Variants in GPR155 observed in about 807,000 individuals in gnomAD.
GPR155 encodes lysosomal cholesterol signaling protein.
GPR155 carries 65 observed loss-of-function variants against 93.1 expected under a neutral mutation model. That is an observed-to-expected ratio of 0.70 (90% CI 0.57 to 0.86). GPR155 has a LOEUF of 0.86. Ranked by LOEUF, GPR155 falls within the 40% of genes least tolerant of loss-of-function variation. The pLI is 0.00. For missense variants in GPR155, 838 were observed against 1,034.8 expected (o/e 0.81, Z 2.61); for synonymous variants, 319 against 360.1 (o/e 0.89, Z 1.29).
At chr2:174,439,191 T>G (rs555932239) in intron 15 of GPR155, among the ~76,000 whole-genome samples, 1 of 151,858 alleles carries the variant, frequency 6.6e-6, no homozygotes, top group South Asian at 2.1e-4. Flanking sequence ...CCATATGAAT[T>G]TTCATACATT....
In GPR155 at chr2:174,469,008, G is replaced by C; in HGVS notation, c.1086C>G (p.Ala362=). 1 of 1,613,968 alleles carries C rather than the reference G, an allele frequency of 6.2e-7. No individual in the cohort carries two copies. The highest frequency in any genetic ancestry group is 8.5e-7 in the Non-Finnish European group (1 of 1,179,874). The stretch of plus-strand genomic sequence containing the variant: ...CCATAGTGGGAAAGGTCAGTAACCA[G>C]GCAGAAACGTACATGATGGGAGCAG... ...FVSAPIMYVS[A]WLLTFPTMDP... is the part of the protein sequence containing the mutation. Residue 362 remains alanine (A), a synonymous_variant, in exon 5 of 16, where the codon GCC becomes GCG. Coordinates refer to ENST00000392552, the MANE Select transcript of GPR155 (RefSeq NM_152529.7).
At chr2:174,444,799 A>T (rs949961571) in intron 13 of GPR155, among the ~76,000 whole-genome samples, 8 of 152,030 alleles carry the variant, frequency 5.3e-5, no homozygotes, top group African/African-American at 1.9e-4. Context: ...CCCGGTCCCA[A>T]TGTGACTTAT....
intron 2 of GPR155, among the ~76,000 whole-genome samples, chr2:174,479,283 C>G (rs535014689): frequency 6.6e-6 from 1 of 152,254 alleles, no homozygotes; most frequent in South Asian, 2.1e-4. Context: ...TCTTTTTCCA[C>G]TACTACTCAT....
In GPR155 at chr2:174,445,111, CTG is replaced by C. The variant is rs781151938; in HGVS notation, c.2077_2078del (p.Gln693ValfsTer7). On this transcript the variant is annotated frameshift_variant, in exon 13 of 16. Coordinates refer to ENST00000392552, the MANE Select transcript of GPR155 (RefSeq NM_152529.7). LOFTEE classifies it high-confidence loss of function. Reference protein sequence around the residue: ...QEPGRLYVELQFFCAVFNFGQ... With the variant: ...QEPGRLYVELXFFCAVFNFGQ... ...CAAAGTTAAACACGGCACAGAAAAACTGTAACTCAACATAAAGTCTTCCAGGC... is the reference window on the plus strand; with the variant it reads ...CAAAGTTAAACACGGCACAGAAAAACTAACTCAACATAAAGTCTTCCAGGC... 2.5e-6 allele frequency: 4 copies of C among 1,599,750 alleles called. No individual in the cohort carries two copies. The South Asian group carries it at 3.3e-5, about 13-fold the overall frequency.
intron 13 of GPR155, among the ~76,000 whole-genome samples, chr2:174,442,822 C>G (rs1418798048): frequency 6.6e-6 from 1 of 152,206 alleles, no homozygotes; most frequent in African/African-American, 2.4e-5. Flanking sequence ...ACCCAAATTT[C>G]TTCATCCCCC....
At chr2:174,439,169 ATAAAT>A (rs1330668258) in intron 15 of GPR155, among the ~76,000 whole-genome samples, 2 of 152,050 alleles carry the variant, frequency 1.3e-5, no homozygotes, top group African/African-American at 4.8e-5. Context: ...ATATATGTAA[ATAAAT>A]TATCCTCCAT....
At chr2:174,440,370 C>T (rs1686920167) in intron 14 of GPR155, among the ~76,000 whole-genome samples, 1 of 152,106 alleles carries the variant, frequency 6.6e-6, no homozygotes, top group Non-Finnish European at 1.5e-5. Flanking sequence ...TTTTGAAATG[C>T]AAAGATAAAT....
At chr2:174,455,944 G>A (rs1470107306) in intron 10 of GPR155, among the ~76,000 whole-genome samples, 3 of 152,026 alleles carry the variant, frequency 2.0e-5, no homozygotes, top group East Asian at 3.9e-4. Flanking sequence ...AGGTTCAAGC[G>A]ATTCTCATGC....
rs778264003 is a variant in GPR155, at chr2:174,465,879, C to G, written c.1290G>C (p.Met430Ile). The G allele has an allele frequency of 6.3e-7, 1 of 1,585,200 alleles. No individual in the cohort carries two copies. Among genetic ancestry groups the G allele is most frequent in the Non-Finnish European group, 8.7e-7 (1 of 1,155,014 alleles). ...TTTTTTCTTTAACAAAATTCCATAT[C>G]ATCATTCCAGCACAGACAATAGACT... ...IAQSIVCAGM[M>I]IWNFVKEKNF... The change falls in exon 7 of 16, where the codon ATG becomes ATC. Residue 430 changes from methionine (M) to isoleucine (I), a missense_variant. Met to Ile is a conservative substitution (Grantham distance 10). Around this residue, in one of 3 missense-constraint regions of GPR155, gnomAD observed 663 missense variants for 790.1 expected, o/e 0.84. Transcript: ENST00000392552.
intron 2 of GPR155, among the ~76,000 whole-genome samples, chr2:174,475,354 A>T (rs1285542317): frequency 1.3e-5 from 2 of 151,574 alleles, no homozygotes; most frequent in African/African-American, 2.4e-5. Flanking sequence ...CACTAAGATA[A>T]AATGATATAG....
chr2:174,466,635 A>C lies in GPR155; in HGVS notation c.1183-8T>G. 1 of 1,482,480 alleles carries C rather than the reference A, an allele frequency of 6.7e-7. No individual in the cohort carries two copies. The highest frequency in any genetic ancestry group is 9.3e-7 in the Non-Finnish European group (1 of 1,069,934). The allele number at this position is 1,482,480 out of a possible 1,614,324, so 91.8% of individuals were successfully genotyped here. ...AATAGCCAGAGACCAGATCTTGAAG[A>C]CAAAAGGTTCAAAAGTTATTCATGT... On this transcript the variant is annotated splice_polypyrimidine_tract_variant and splice_region_variant and intron_variant, in intron 5 of 15. Coordinates refer to ENST00000392552, the MANE Select transcript of GPR155 (RefSeq NM_152529.7).
chr2:174,446,531 T>G, intron 12 of GPR155, 80 bp downstream of exon 12: 1 of 1,391,328 alleles, frequency 7.2e-7, no homozygotes, highest in Non-Finnish European at 9.9e-7. Context: ...AGCAACTAAG[T>G]TTTTCCCGGA....
rs1187642919 is a variant in GPR155, at chr2:174,436,107, C to G, written c.*9G>C. The G allele has an allele frequency of 1.2e-6, 2 of 1,606,042 alleles. No homozygotes were observed. The highest frequency in any genetic ancestry group is 2.2e-5 in the East Asian group (1 of 44,794). On this transcript the variant is annotated 3_prime_UTR_variant, in exon 16 of 16. Transcript: ENST00000392552. ...ATATGATTCCATGTAGGGTTCTCCCCTGCATAATTTAGGTCTTAGGGGAAT... is the reference window on the plus strand; with the variant it reads ...ATATGATTCCATGTAGGGTTCTCCCGTGCATAATTTAGGTCTTAGGGGAAT...
At chr2:174,450,557 G>C (rs565815525) in intron 11 of GPR155, among the ~76,000 whole-genome samples, 2 of 152,294 alleles carry the variant, frequency 1.3e-5, no homozygotes, top group African/African-American at 4.8e-5. Context: ...TTCACATATG[G>C]ATACAAACAC....
At chr2:174,462,287 G>T (rs1044689923) in intron 7 of GPR155, among the ~76,000 whole-genome samples, 2 of 151,864 alleles carry the variant, frequency 1.3e-5, no homozygotes, top group African/African-American at 4.8e-5. Context: ...TGATTCATGT[G>T]TTTGGAATCT....
chr2:174,473,469 T>G (rs1442569152), intron 2 of GPR155, 105 bp from the exon 3 acceptor site: 3 of 778,400 alleles, frequency 3.9e-6, no homozygotes, highest in Non-Finnish European at 6.0e-6. Flanking sequence ...AATCTAAAAT[T>G]TTCAAAATGA....
chr2:174,478,556 G>A (rs1559119970), intron 2 of GPR155, among the ~76,000 whole-genome samples: 1 of 152,064 alleles, frequency 6.6e-6, no homozygotes, highest in Non-Finnish European at 1.5e-5. Flanking sequence ...TTCTGTTACT[G>A]GAGTAATAAT....
At position 174,459,415 on chromosome 2, in the gene GPR155, G is replaced by T. The variant is rs561925266; in HGVS notation, c.1771+463C>A. ...TAAGACTTATAAACAAAAATCTAAT[G>T]AATAATTTTACAAGCAAGTTTGTTG... On this transcript the variant is annotated intron_variant, in intron 10 of 15. Transcript: ENST00000392552. Among the ~76,000 whole-genome samples the T allele has an allele frequency of 1.4e-3, 213 of 152,268 alleles. 2 individuals carry two copies. The highest frequency in any genetic ancestry group is 4.8e-3 in the African/African-American group (199 of 41,548).
chr2:174,465,670 T>C (rs893411762), intron 7 of GPR155, 115 bp downstream of exon 7: 9 of 599,168 alleles, frequency 1.5e-5, no homozygotes, highest in Middle Eastern at 3.6e-4. Context: ...TCTGCCTCAG[T>C]GCATGCCTTG....
Sources: allele counts gnomAD v4.1 joint callset (sites outside exome capture counted in the v4.1 genomes callset), GRCh38; gene constraint gnomAD v4.1.1; regional missense constraint gnomAD v4.1.1; transcripts MANE v1.5; gene names NCBI Gene and HGNC (gene_info 2026-07-23, HGNC 2026-07-21).